VRK3: variants seen among roughly 807,000 people sequenced by gnomAD.
VRK3 encodes serine/threonine-protein kinase VRK3.
Under a neutral mutation model 60.4 loss-of-function variants are expected in VRK3, and 50 were observed. That is an observed-to-expected ratio of 0.83 (90% CI 0.66 to 1.05). VRK3 has a LOEUF of 1.05. Among genes scored for constraint, VRK3 ranks in the 50% least tolerant of loss-of-function variants. The pLI is 0.00. For synonymous variants in VRK3, 246 were observed against 227.8 expected (o/e 1.08, Z -0.72); for missense variants, 549 against 585.3 (o/e 0.94, Z 0.64).
In VRK3 at chr19:50,007,758, T is replaced by A; in HGVS notation, c.358A>T (p.Arg120Trp). ...CAGCTGGTCTTCTGAGGGCTACCCC[T>A]GGTCACCTGAGGGCTCTTCCTGGTC... The part of the protein sequence containing the change: ...QKTRKSPQVT[R>W]GSPQKTSCSP... Residue 120 changes from arginine (R) to tryptophan (W), a missense_variant, in exon 5 of 15, where the codon AGG becomes TGG. Coordinates refer to ENST00000316763, the MANE Select transcript of VRK3 (RefSeq NM_016440.4). The A allele has an allele frequency of 6.2e-7, 1 of 1,614,046 alleles. No homozygotes were observed. Among genetic ancestry groups the A allele is most frequent in the East Asian group, 2.2e-5 (1 of 44,876 alleles).
intron 3 of VRK3, among the ~76,000 whole-genome samples, chr19:50,010,988 T>C (rs1397481653): frequency 2.0e-5 from 3 of 150,754 alleles, no homozygotes; most frequent in Non-Finnish European, 4.4e-5. Context: ...CCTCCTTTAT[T>C]TACCCACCAC....
At chr19:49,987,700 C>CTTTTTTTTTTTTT (rs74182083) in intron 12 of VRK3, 5 of 112,856 alleles carry the variant, frequency 4.4e-5, no homozygotes, top group African/African-American at 1.8e-4. Flanking sequence ...ACACAATGAG[C>CTTTTTTTTTTTTT]TTTTTTTTTT....
intron 6 of VRK3, 155 bp from the exon 7 acceptor site, chr19:49,997,725 A>C: frequency 1.5e-6 from 1 of 678,082 alleles, no homozygotes. Context: ...ACACAAACAC[A>C]CATCAGAGAC....
intron 13 of VRK3, among the ~76,000 whole-genome samples, chr19:49,979,920 G>C (rs904607037): frequency 6.6e-6 from 1 of 151,862 alleles, no homozygotes; most frequent in Non-Finnish European, 1.5e-5. Flanking sequence ...CATGGTGGCG[G>C]GTGCCTGTAG....
chr19:50,022,074 A>G (rs1269023467), intron 1 of VRK3, among the ~76,000 whole-genome samples: 1 of 152,172 alleles, frequency 6.6e-6, no homozygotes, highest in Admixed American at 6.5e-5. Flanking sequence ...TGATGCTCAA[A>G]GGGTGACAAT....
chr19:49,991,099 G>A (rs1600669854), intron 10 of VRK3, among the ~76,000 whole-genome samples: 1 of 152,168 alleles, frequency 6.6e-6, no homozygotes, highest in South Asian at 2.1e-4. Flanking sequence ...GGCCATGATG[G>A]TCATTTTTAT....
rs779437641 is a variant in VRK3, at chr19:50,007,751, C to T, written c.365G>A (p.Ser122Asn). Reference protein sequence around the residue: ...TRKSPQVTRGSPQKTSCSPQK... With the variant: ...TRKSPQVTRGNPQKTSCSPQK... ...AGGGCTACAGCTGGTCTTCTGAGGG[C>T]TACCCCTGGTCACCTGAGGGCTCTT... The change falls in exon 5 of 15, where the codon AGC becomes AAC. Residue 122 changes from serine to asparagine, a missense_variant. By Grantham distance (46) the Ser-to-Asn change is conservative. Transcript: ENST00000316763. 3.7e-6 allele frequency: 6 copies of T among 1,613,766 alleles called. No homozygotes were observed. Among genetic ancestry groups the T allele is most frequent in the South Asian group, 2.2e-5 (2 of 90,780 alleles).
intron 7 of VRK3, 34 bp from the exon 8 acceptor site, chr19:49,995,309 CCCAGT>C: frequency 6.3e-7 from 1 of 1,599,900 alleles, no homozygotes; most frequent in Admixed American, 1.7e-5. Context: ...TTAGAACCCA[CCCAGT>C]CCCAAGCCCA....
chr19:49,979,406 A>T (rs1397177263), intron 13 of VRK3, among the ~76,000 whole-genome samples, 164 bp from the exon 14 acceptor site: 1 of 152,140 alleles, frequency 6.6e-6, no homozygotes, highest in Admixed American at 6.6e-5. Context: ...GAGGACTTCA[A>T]TTGTTTTTCA....
intron 2 of VRK3, 41 bp from the exon 3 acceptor site, chr19:50,016,204 G>A (rs2077075086): frequency 1.2e-6 from 2 of 1,609,690 alleles, no homozygotes; most frequent in South Asian, 1.1e-5. Context: ...AAACGGGCCA[G>A]CTGAAGGTCA....
rs777292976 is a variant in VRK3, at chr19:50,000,771, C to G, written c.612+19G>C. ...AGTCCCTCCCCTCCAAGCTGCCCCC[C>G]ACCTGCAGGGTCACTTACCAGTTTG... On this transcript the variant is annotated intron_variant, in intron 6 of 14. Coordinates refer to ENST00000316763, the MANE Select transcript of VRK3 (RefSeq NM_016440.4). 5 of 1,607,498 alleles carry G rather than the reference C, an allele frequency of 3.1e-6. No homozygotes were observed. The highest frequency in any genetic ancestry group is 1.3e-5 in the African/African-American group (1 of 74,856).
rs2077116473 is a variant in VRK3, at chr19:50,018,819, C to T, written c.-2+1766G>A. Among the ~76,000 whole-genome samples the T allele has an allele frequency of 2.0e-5, 3 of 152,166 alleles. No individual in the cohort carries two copies. The South Asian group carries it at 6.2e-4, about 32-fold the overall frequency. On this transcript the variant is annotated intron_variant, in intron 2 of 14. Transcript: ENST00000316763. ...ACACTGGTGTCACAAGACCAAATTG[C>T]CTAGATGTACCCAATAAATATATAC...
chr19:49,998,723 C>T (rs60444051), intron 6 of VRK3: 1 of 152,010 alleles, frequency 6.6e-6, no homozygotes, highest in Admixed American at 6.6e-5. Flanking sequence ...ATTTCCTCAT[C>T]TGTTAAATAG....
At chr19:49,981,763 A>G (rs2123007324) in intron 12 of VRK3, 3 of 1,028,802 alleles carry the variant, frequency 2.9e-6, no homozygotes, top group African/African-American at 1.7e-5. Context: ...CCCAAAGGTG[A>G]CCTCCCCACC....
At chr19:49,990,783 AT>A (rs554117457) in intron 10 of VRK3, among the ~76,000 whole-genome samples, 7,874 of 146,788 alleles carry the variant, frequency 0.054, 668 homozygotes, top group African/African-American at 0.18. Flanking sequence ...TAAAAAAATA[AT>A]TTTTTTTTTT....
intron 6 of VRK3, chr19:49,998,880 G>A (rs2076750190): frequency 6.8e-6 from 1 of 146,562 alleles, no homozygotes; most frequent in African/African-American, 2.5e-5. Context: ...AGCACTTTAG[G>A]AGGTGAAGGT....
chr19:50,004,570 C>T (rs28447400), intron 5 of VRK3, among the ~76,000 whole-genome samples: 7,951 of 152,132 alleles, frequency 0.052, 687 homozygotes, highest in African/African-American at 0.18. Flanking sequence ...AATATGGGTG[C>T]CTATCTCACA....
At chr19:49,987,421 C>T (rs1465885581) in intron 12 of VRK3, among the ~76,000 whole-genome samples, 1 of 150,642 alleles carries the variant, frequency 6.6e-6, no homozygotes. Flanking sequence ...TGAACCCATA[C>T]CCCTAGTGCT....
rs193142471 is a variant in VRK3 at position 50,004,687 on chromosome 19, C to T, written c.547+2882G>A. ...CTTTAGGAGGCTGAGGCGGGAGGAT[C>T]GCTTGAGCCCAGGAGTTTGGGACCA... On this transcript the variant is annotated intron_variant, in intron 5 of 14. Coordinates refer to ENST00000316763, the MANE Select transcript of VRK3 (RefSeq NM_016440.4). Among the ~76,000 whole-genome samples the T allele has an allele frequency of 5.2e-3, 797 of 152,080 alleles. 6 individuals are homozygous for T. Among genetic ancestry groups the T allele is most frequent in the African/African-American group, 0.017 (712 of 41,456 alleles).
Sources: gnomAD v4.1 joint callset for allele counts (sites outside exome capture counted in the v4.1 genomes callset) on GRCh38, gnomAD v4.1.1 for gene constraint, MANE v1.5 for transcripts, NCBI Gene and HGNC (gene_info 2026-07-23, HGNC 2026-07-21) for gene names.